Variants in XRCC5 observed in about 807,000 individuals in gnomAD.
XRCC5 encodes X-ray repair cross complementing 5.
In XRCC5, 12 loss-of-function variants were observed where a neutral mutation model predicts 95.7. The observed-to-expected ratio is 0.13, with a 90% CI of 0.08 to 0.20. XRCC5 has a LOEUF of 0.20. Among genes scored for constraint, XRCC5 ranks in the 10% least tolerant of loss-of-function variants. The pLI, the probability that XRCC5 is intolerant of heterozygous loss-of-function variation, is 1.00. For missense variants in XRCC5, 595 were observed against 873.9 expected (o/e 0.68, Z 4.02); for synonymous variants, 281 against 290.3 (o/e 0.97, Z 0.33).
intron 2 of XRCC5, 150 bp from the exon 3 acceptor site, chr2:216,116,509 G>A (rs1696700314): frequency 7.7e-6 from 6 of 779,596 alleles, no homozygotes; most frequent in Non-Finnish European, 1.3e-5. Flanking sequence ...GTCATTGTCT[G>A]TAAGTCTCAT....
At chr2:216,160,193 T>C in intron 15 of XRCC5, 32 bp downstream of exon 15, 1 of 1,494,616 alleles carries the variant, frequency 6.7e-7, no homozygotes, top group Non-Finnish European at 9.1e-7. Flanking sequence ...CGCTTCCCCC[T>C]TTGCAGGAAG....
rs1348067794 is a variant in XRCC5, at chr2:216,121,601, C to T, written c.492-461C>T. Among the ~76,000 whole-genome samples, 5 of 152,152 alleles carry T rather than the reference C, an allele frequency of 3.3e-5. 1 individual carries two copies. Among genetic ancestry groups the T allele is most frequent in the African/African-American group, 1.2e-4 (5 of 41,430 alleles). On this transcript the variant is annotated intron_variant, in intron 5 of 20. Transcript: ENST00000392132. The stretch of plus-strand genomic sequence containing the variant: ...ATTCCATTTATGAGTTCCCCACCCT[C>T]AGGACTTCATTACCTCCTAAAGGGC...
At chr2:216,199,178 T>A (rs948443415) in intron 19 of XRCC5, among the ~76,000 whole-genome samples, 1 of 152,254 alleles carries the variant, frequency 6.6e-6, no homozygotes, top group Non-Finnish European at 1.5e-5. Context: ...CTATTTAAAT[T>A]CTTTTGAGGT....
At chr2:216,173,766 G>T (rs748168391) in intron 16 of XRCC5, among the ~76,000 whole-genome samples, 24 of 152,176 alleles carry the variant, frequency 1.6e-4, no homozygotes, top group Non-Finnish European at 1.8e-4. Flanking sequence ...GTTATAAAAA[G>T]GATGAGTTCG....
intron 14 of XRCC5, among the ~76,000 whole-genome samples, chr2:216,151,871 A>G (rs566510662): frequency 6.6e-6 from 1 of 152,308 alleles, no homozygotes; most frequent in African/African-American, 2.4e-5. Context: ...TTCTAAAGGA[A>G]AGAGGTTTGA....
At chr2:216,121,241 T>C (rs1029743138) in intron 5 of XRCC5, among the ~76,000 whole-genome samples, 1 of 152,242 alleles carries the variant, frequency 6.6e-6, no homozygotes, top group African/African-American at 2.4e-5. Context: ...GGAAACTTTT[T>C]ACCTGATAAA....
At chr2:216,196,464 G>C (rs1440076276) in intron 19 of XRCC5, among the ~76,000 whole-genome samples, 4 of 152,084 alleles carry the variant, frequency 2.6e-5, no homozygotes, top group African/African-American at 9.7e-5. Context: ...TTTCAGTCAA[G>C]GTTCTCCAGA....
intron 13 of XRCC5, among the ~76,000 whole-genome samples, chr2:216,145,486 A>G (rs1688611232): frequency 6.6e-6 from 1 of 152,246 alleles, no homozygotes; most frequent in African/African-American, 2.4e-5. Context: ...TTCAAATTGT[A>G]AAAATCACAT....
chr2:216,197,402 G>A (rs974261904), intron 19 of XRCC5, among the ~76,000 whole-genome samples: 10 of 140,916 alleles, frequency 7.1e-5, no homozygotes, highest in Admixed American at 2.3e-4. Flanking sequence ...CCGAGATCGC[G>A]CCATTGCACT....
rs760686468 is a variant in XRCC5 at position 216,205,156 on chromosome 2, T to C, written c.2185-32T>C. 3.1e-6 allele frequency: 5 copies of C among 1,613,734 alleles called. No individual in the cohort carries two copies. The East Asian group carries it at 6.7e-5, about 22-fold the overall frequency. ...AAGCAGTGGTATGAAATTGGCCTGA[T>C]TCCTTTCTAAGTGTGTTGTTCTTGT... On this transcript the variant is annotated intron_variant, in intron 20 of 20. Transcript: ENST00000392132.
rs1162198006 is a variant in XRCC5, at chr2:216,113,711, GC to G, written c.135+583del. 3.3e-5 allele frequency among the ~76,000 whole-genome samples: 5 copies of G among 152,302 alleles called. No individual in the cohort carries two copies. In the East Asian group the frequency reaches 9.6e-4, roughly 29 times the overall value. Reference sequence around the variant, plus strand: ...ATGTCCAAAATGGCTCACTCACATGGCTGGAAGACGATGCTTTCTAGTGGCT... The same window carrying G: ...ATGTCCAAAATGGCTCACTCACATGGTGGAAGACGATGCTTTCTAGTGGCT... On this transcript the variant is annotated intron_variant, in intron 2 of 20. Coordinates refer to ENST00000392132, the MANE Select transcript of XRCC5 (RefSeq NM_021141.4).
chr2:216,156,343 A>C, intron 14 of XRCC5: 1 of 687,882 alleles, frequency 1.5e-6, no homozygotes, highest in South Asian at 1.4e-5. Flanking sequence ...CCTTTCTGAA[A>C]CAGTCTCTTC....
intron 16 of XRCC5, among the ~76,000 whole-genome samples, chr2:216,187,695 G>A (rs552830584): frequency 3.3e-5 from 5 of 150,200 alleles, no homozygotes; most frequent in African/African-American, 7.4e-5. Flanking sequence ...ACTCTTTTCC[G>A]TGTAGTCTTT....
intron 13 of XRCC5, 93 bp downstream of exon 13, chr2:216,141,412 C>T (rs1697167046): frequency 1.5e-6 from 2 of 1,369,422 alleles, no homozygotes; most frequent in Non-Finnish European, 2.0e-6. Flanking sequence ...AAATAAATGT[C>T]TTTTTTCTCT....
chr2:216,130,829 A>G (rs1279703239), intron 8 of XRCC5, 46 bp from the exon 9 acceptor site: 1 of 1,335,644 alleles, frequency 7.5e-7, no homozygotes, highest in South Asian at 1.3e-5. Flanking sequence ...GCTTGTAGAA[A>G]ATGAGGCCCC....
At chr2:216,132,239 T>G (rs1330981073) in intron 9 of XRCC5, 86 bp from the exon 10 acceptor site, 15 of 1,318,104 alleles carry the variant, frequency 1.1e-5, no homozygotes, top group Admixed American at 5.3e-5. Flanking sequence ...GTAAGAGGAT[T>G]TTGAATGGAA....
rs746493174 is a variant in XRCC5, at chr2:216,172,469, C to CTTTTTTTTTTTTTTTTTTTTTTTTTTT, written c.1834+10438_1834+10439insTTTTTTTTTTTTTTTTTTTTTTTTTTT. On this transcript the variant is annotated intron_variant, in intron 16 of 20. Coordinates refer to ENST00000392132, the MANE Select transcript of XRCC5 (RefSeq NM_021141.4). ...AAACTTTAGCATCAGCTTTTCTTTT[C>CTTTTTTTTTTTTTTTTTTTTTTTTTTT]TTTTTTTTTTTTTTTTTGAGACAAA... Among the ~76,000 whole-genome samples the CTTTTTTTTTTTTTTTTTTTTTTTTTTT allele has an allele frequency of 1.4e-4, 15 of 107,744 alleles. 1 individual carries two copies. The highest frequency in any genetic ancestry group is 2.7e-4 in the African/African-American group (7 of 25,478). The allele number at this position is 107,744 out of a possible 152,430, so 70.7% of individuals were successfully genotyped here. A position where few individuals can be genotyped will look rare whatever the true frequency, so the allele number is the denominator to read the frequency against.
intron 2 of XRCC5, among the ~76,000 whole-genome samples, chr2:216,114,967 A>G (rs1471121325): frequency 1.3e-5 from 2 of 151,996 alleles, no homozygotes; most frequent in African/African-American, 4.8e-5. Context: ...GGAACAAAGG[A>G]GACTGGAAGC....
At chr2:216,158,397 C>T (rs760159977) in intron 14 of XRCC5, among the ~76,000 whole-genome samples, 10 of 152,116 alleles carry the variant, frequency 6.6e-5, no homozygotes, top group Non-Finnish European at 1.5e-4. Flanking sequence ...GTGGCAAAAT[C>T]GAGACTAGAA....
Sources: allele counts gnomAD v4.1 joint callset (sites outside exome capture counted in the v4.1 genomes callset), GRCh38; gene constraint gnomAD v4.1.1; transcripts MANE v1.5; gene names NCBI Gene and HGNC (gene_info 2026-07-23, HGNC 2026-07-21).